The following MSH3 variants were observed in gnomAD, a reference collection of about 807,000 sequenced individuals.
MSH3 encodes DNA mismatch repair protein Msh3.
In MSH3, 106 loss-of-function variants were observed where a neutral mutation model predicts 123.3. The ratio of observed to expected loss-of-function variants is 0.86; its 90% CI spans 0.73 to 1.01. The LOEUF (loss-of-function observed/expected upper bound fraction) is 1.01. Ranked by LOEUF, MSH3 falls within the 50% of genes least tolerant of loss-of-function variation. The pLI is 0.00. For missense variants in MSH3, 1,459 were observed against 1,347.6 expected, an observed-to-expected ratio of 1.08 and a Z score of -1.29; for synonymous variants, 515 against 481.4, an observed-to-expected ratio of 1.07 and a Z score of -0.91.
chr5:80,662,006 C>T (rs1430851594), intron 2 of MSH3, among the ~76,000 whole-genome samples: 1 of 152,150 alleles, frequency 6.6e-6, no homozygotes, highest in Non-Finnish European at 1.5e-5. Context: ...AGACAGTAGA[C>T]ATTAGTAACA....
chr5:80,840,197 T>C (rs1745595358), intron 20 of MSH3, among the ~76,000 whole-genome samples: 1 of 152,204 alleles, frequency 6.6e-6, no homozygotes, highest in African/African-American at 2.4e-5. Context: ...TGCATTATTG[T>C]GATCACATGT....
At chr5:80,784,723 G>T (rs948743017) in intron 17 of MSH3, among the ~76,000 whole-genome samples, 1 of 152,166 alleles carries the variant, frequency 6.6e-6, no homozygotes, top group Non-Finnish European at 1.5e-5. Flanking sequence ...ACTGAGGGCT[G>T]CCTGTCTGAT....
chr5:80,672,422 C>T lies in MSH3; in HGVS notation c.909+62C>T, dbSNP rs56228588. 1.3e-3 allele frequency: 1,601 copies of T among 1,268,732 alleles called. 10 individuals are homozygous for T. The African/African-American group carries it at 0.02, about 16-fold the overall frequency. 78.6% of individuals were successfully genotyped at this position (1,268,732 alleles called of 1,614,324 possible). ...GGGATTCTCCTCCAGAGAGTGCAAA[C>T]GTGTTTTGTAAGGTGGTAGGTAGGC... On this transcript the variant is annotated intron_variant, in intron 5 of 23. Transcript: ENST00000265081.
chr5:80,782,597 GA>G (rs1744430494), intron 17 of MSH3, among the ~76,000 whole-genome samples: 2 of 152,130 alleles, frequency 1.3e-5, no homozygotes, highest in Admixed American at 6.5e-5. Context: ...GACTGAGCAT[GA>G]TTTCAGAAGT....
intron 20 of MSH3, among the ~76,000 whole-genome samples, chr5:80,816,259 G>A (rs1489229414): frequency 6.8e-6 from 1 of 146,568 alleles, no homozygotes; most frequent in African/African-American, 2.5e-5. Flanking sequence ...GTCAATGAAG[G>A]CTATATGCAA....
intron 17 of MSH3, among the ~76,000 whole-genome samples, chr5:80,784,019 G>A (rs2112014979): frequency 6.6e-6 from 1 of 151,888 alleles, no homozygotes; most frequent in Middle Eastern, 3.4e-3. Context: ...AGACTAGCCT[G>A]GCCAACATGG....
rs907313204 is a variant in MSH3 at position 80,794,003 on chromosome 5, C to T, written c.2655+1159C>T. ...GTGTTTTAAAGGGAATACGAGGGAA[C>T]AGGGAAAGGGAATGAGCTGGGGGAG... On this transcript the variant is annotated intron_variant, in intron 19 of 23. Transcript: ENST00000265081. Among the ~76,000 whole-genome samples the T allele has an allele frequency of 2.6e-5, 4 of 152,148 alleles. No individual in the cohort carries two copies. The South Asian group carries it at 6.2e-4, about 24-fold the overall frequency.
chr5:80,716,390 T>A (rs983969600), intron 8 of MSH3, among the ~76,000 whole-genome samples: 7 of 152,112 alleles, frequency 4.6e-5, no homozygotes, highest in East Asian at 3.9e-4. Context: ...TCTTTTTTTT[T>A]ATTTCTCTCC....
At chr5:80,864,115 T>C (rs1033983575) in intron 21 of MSH3, among the ~76,000 whole-genome samples, 14 of 152,178 alleles carry the variant, frequency 9.2e-5, no homozygotes, top group Admixed American at 5.9e-4. Context: ...CGGAGTCATA[T>C]TGAAAAGCAA....
intron 17 of MSH3, among the ~76,000 whole-genome samples, chr5:80,784,076 G>T (rs1323917671): frequency 2.0e-5 from 3 of 151,696 alleles, no homozygotes; most frequent in African/African-American, 7.3e-5. Flanking sequence ...TGGGTGTGGT[G>T]GTGCATGCCT....
intron 21 of MSH3, among the ~76,000 whole-genome samples, chr5:80,856,450 GA>G (rs1162625228): frequency 6.7e-6 from 1 of 148,628 alleles, no homozygotes; most frequent in Non-Finnish European, 1.5e-5. Flanking sequence ...CTATCGCAAG[GA>G]CAAAAAACCA....
intron 8 of MSH3, among the ~76,000 whole-genome samples, chr5:80,705,562 A>C (rs1750702799): frequency 6.6e-6 from 1 of 152,210 alleles, no homozygotes; most frequent in Admixed American, 6.5e-5. Context: ...TTTTGGTGGA[A>C]TGTATTAGTT....
chr5:80,866,326 A>T (rs1746097745), intron 22 of MSH3, among the ~76,000 whole-genome samples: 2 of 152,136 alleles, frequency 1.3e-5, no homozygotes, highest in Non-Finnish European at 2.9e-5. Flanking sequence ...TTCTGTAGAG[A>T]CAGGCTCTCA....
chr5:80,765,681 A>C (rs1744109880), intron 13 of MSH3, among the ~76,000 whole-genome samples: 2 of 152,172 alleles, frequency 1.3e-5, no homozygotes, highest in Admixed American at 6.5e-5. Context: ...AACTTGATCC[A>C]GTCTGGACTG....
intron 10 of MSH3, among the ~76,000 whole-genome samples, chr5:80,735,355 G>C (rs1340260390): frequency 3.8e-5 from 5 of 132,040 alleles, no homozygotes; most frequent in Non-Finnish European, 7.7e-5. Context: ...CTGCACTCCA[G>C]CCTCGGTGAC....
At chr5:80,666,664 C>T (rs577854549) in intron 3 of MSH3, among the ~76,000 whole-genome samples, 19 of 152,222 alleles carry the variant, frequency 1.2e-4, no homozygotes, top group Admixed American at 1.1e-3. Context: ...CTTGGCATGT[C>T]CACATCACAG....
chr5:80,773,716 A>G (rs955609606), intron 15 of MSH3, among the ~76,000 whole-genome samples: 7 of 152,166 alleles, frequency 4.6e-5, no homozygotes, highest in Admixed American at 4.6e-4. Context: ...TCTGCTCAAA[A>G]TGGGTTTTTA....
At chr5:80,709,097 G>A (rs1385677452) in intron 8 of MSH3, among the ~76,000 whole-genome samples, 3 of 151,734 alleles carry the variant, frequency 2.0e-5, no homozygotes, top group Non-Finnish European at 4.4e-5. Flanking sequence ...TTTTTCAGAA[G>A]TTATTGTATT....
At chr5:80,741,934 T>C (rs1245867598) in intron 11 of MSH3, among the ~76,000 whole-genome samples, 1 of 1,672 alleles carries the variant, frequency 6.0e-4, no homozygotes, top group Non-Finnish European at 9.6e-4. Context: ...TATTTAATTA[T>C]TCAGGTTATA....
Sources: allele counts gnomAD v4.1 joint callset (sites outside exome capture counted in the v4.1 genomes callset), GRCh38; gene constraint gnomAD v4.1.1; transcripts MANE v1.5; gene names NCBI Gene and HGNC (gene_info 2026-07-23, HGNC 2026-07-21).